The following ATP9A variants were observed in gnomAD, a reference collection of about 807,000 sequenced individuals.
ATP9A encodes ATPase phospholipid transporting 9A.
A neutral mutation model predicts 144.1 loss-of-function variants in ATP9A; 52 were observed. The observed-to-expected ratio is 0.36, with a 90% CI of 0.29 to 0.45. The LOEUF (loss-of-function observed/expected upper bound fraction) is 0.45. ATP9A is among the 20% of genes least tolerant of loss of function. The pLI is 1.00. For synonymous variants in ATP9A, 582 were observed against 557.4 expected (o/e 1.04, Z -0.62); for missense variants, 947 against 1,392.7 (o/e 0.68, Z 5.09).
intron 1 of ATP9A, among the ~76,000 whole-genome samples, chr20:51,746,869 G>A (rs1388034163): frequency 6.6e-6 from 1 of 152,090 alleles, no homozygotes; most frequent in Non-Finnish European, 1.5e-5. Flanking sequence ...AATCAGGTGT[G>A]GTGGCGCACG....
chr20:51,601,542 T>C (rs1219934635), intron 27 of ATP9A, among the ~76,000 whole-genome samples, 195 bp from the exon 28 acceptor site: 2 of 152,202 alleles, frequency 1.3e-5, no homozygotes, highest in Non-Finnish European at 2.9e-5. Flanking sequence ...GCGCCGCAGC[T>C]TGATTTTCCT....
In ATP9A at chr20:51,656,938, C is replaced by T; in HGVS notation, c.1506G>A (p.Glu502=). The change falls in exon 14 of 28, where the codon GAG becomes GAA. Residue 502 remains glutamate (E), a splice_region_variant and synonymous_variant. Transcript: ENST00000338821. The stretch of plus-strand genomic sequence containing the variant: ...CCTTGCTGCACCTGCCCAGGTTTAC[C>T]TCATCGGGGCTGGATGCCTGGTATA... ...CRVYQASSPD[E]VALVQWTESV... 1 of 1,613,260 alleles carries T rather than the reference C, an allele frequency of 6.2e-7. No individual in the cohort carries two copies. Among genetic ancestry groups the T allele is most frequent in the Non-Finnish European group, 8.5e-7 (1 of 1,179,738 alleles).
At position 51,617,444 on chromosome 20, in the gene ATP9A, C is replaced by A. The variant is rs185201758; in HGVS notation, c.2415+46G>T. Reference sequence around the variant, plus strand: ...GCTGTGTCTTTGAGGGAAAAAGAACCAAGAAACTACAGCAAGTGGAGCCGA... The same window carrying A: ...GCTGTGTCTTTGAGGGAAAAAGAACAAAGAAACTACAGCAAGTGGAGCCGA... On this transcript the variant is annotated intron_variant, in intron 22 of 27. Coordinates refer to ENST00000338821, the MANE Select transcript of ATP9A (RefSeq NM_006045.3). The A allele has an allele frequency of 3.3e-5, 52 of 1,573,058 alleles. No individual in the cohort carries two copies. The Admixed American group carries it at 6.5e-4, about 20-fold the overall frequency.
intron 13 of ATP9A, among the ~76,000 whole-genome samples, chr20:51,662,157 A>G (rs562424999): frequency 6.6e-6 from 1 of 152,366 alleles, no homozygotes; most frequent in East Asian, 1.9e-4. Flanking sequence ...AGGGTGAGTT[A>G]GCGCAACTGA....
At chr20:51,608,060 A>G (rs6021311) in intron 25 of ATP9A, among the ~76,000 whole-genome samples, 69,801 of 148,358 alleles carry the variant, frequency 0.47, 16,938 homozygotes, top group African/African-American at 0.57. Context: ...AAAAAAAAAA[A>G]GAATTAACAT....
chr20:51,664,683 G>A (rs940743067), intron 13 of ATP9A, among the ~76,000 whole-genome samples: 4 of 151,934 alleles, frequency 2.6e-5, no homozygotes, highest in Non-Finnish European at 4.4e-5. Flanking sequence ...TATACTTGGG[G>A]TAAGGAACAC....
Position 51,757,874 on chromosome 20 carries a change from C to G in ATP9A, c.68+10428G>C, listed in dbSNP as rs529527252. On this transcript the variant is annotated intron_variant, in intron 1 of 27. Transcript: ENST00000338821. ...TGAGATCGCACCCACTGTACTCCAG[C>G]CTGAGCAATAGAATGAGAGTACGTC... Among the ~76,000 whole-genome samples, 310 of 151,954 alleles carry G rather than the reference C, an allele frequency of 2.0e-3. 1 individual carries two copies. Among genetic ancestry groups the G allele is most frequent in the Admixed American group, 3.8e-3 (58 of 15,230 alleles).
At chr20:51,726,984 G>C (rs1301474491) in intron 2 of ATP9A, among the ~76,000 whole-genome samples, 1 of 142,976 alleles carries the variant, frequency 7.0e-6, no homozygotes, top group Non-Finnish European at 1.5e-5. Context: ...ATAAGGTTGA[G>C]TGCAAAAAGA....
chr20:51,677,753 A>G (rs1377686909), intron 9 of ATP9A, among the ~76,000 whole-genome samples: 1 of 152,190 alleles, frequency 6.6e-6, no homozygotes, highest in African/African-American at 2.4e-5. Context: ...CTCCAGACAC[A>G]GTAAGAAAAG....
intron 14 of ATP9A, among the ~76,000 whole-genome samples, chr20:51,654,982 C>G (rs1156821930): frequency 6.6e-6 from 1 of 152,112 alleles, no homozygotes; most frequent in African/African-American, 2.4e-5. Flanking sequence ...TTAGTCTACT[C>G]AAAAGTATCT....
At chr20:51,672,606 C>G (rs1032875237) in intron 11 of ATP9A, among the ~76,000 whole-genome samples, 1 of 151,802 alleles carries the variant, frequency 6.6e-6, no homozygotes. Context: ...AATCTCTGTC[C>G]CCAGAAAAAG....
intron 13 of ATP9A, among the ~76,000 whole-genome samples, chr20:51,664,424 C>T (rs1348447333): frequency 6.6e-6 from 1 of 151,736 alleles, no homozygotes; most frequent in African/African-American, 2.4e-5. Flanking sequence ...CCTCTCTCTA[C>T]AAAAAATACA....
chr20:51,652,389 T>C (rs1372503310), intron 14 of ATP9A, among the ~76,000 whole-genome samples: 2 of 152,220 alleles, frequency 1.3e-5, no homozygotes, highest in Non-Finnish European at 2.9e-5. Context: ...CGCCAACTGG[T>C]AGAAATTACT....
intron 14 of ATP9A, among the ~76,000 whole-genome samples, chr20:51,649,645 T>C (rs1239845054): frequency 6.6e-6 from 1 of 152,198 alleles, no homozygotes; most frequent in Non-Finnish European, 1.5e-5. Flanking sequence ...CCGGGTGCAG[T>C]AGTTCACGCC....
chr20:51,638,124 T>TATATATATATAC (rs2077303036), intron 15 of ATP9A, among the ~76,000 whole-genome samples: 1 of 116,230 alleles, frequency 8.6e-6, no homozygotes, highest in Non-Finnish European at 1.8e-5. Flanking sequence ...TATATATATA[T>TATATATATATAC]CTCATAGTTC....
At chr20:51,680,158 A>G (rs898843406) in intron 9 of ATP9A, among the ~76,000 whole-genome samples, 2 of 145,212 alleles carry the variant, frequency 1.4e-5, no homozygotes, top group Non-Finnish European at 3.0e-5. Context: ...TGAACCCAGG[A>G]GGTGGAGGTT....
chr20:51,767,760 G>A (rs1487962875), intron 1 of ATP9A, among the ~76,000 whole-genome samples: 1 of 152,154 alleles, frequency 6.6e-6, no homozygotes, highest in Non-Finnish European at 1.5e-5. Flanking sequence ...GGAGGGGGAA[G>A]GGGCCACCGG....
At chr20:51,724,959 G>T (rs373024201) in intron 3 of ATP9A, among the ~76,000 whole-genome samples, 1 of 152,196 alleles carries the variant, frequency 6.6e-6, no homozygotes, top group Non-Finnish European at 1.5e-5. Flanking sequence ...GTTTGAGATT[G>T]CAGATGTTTC....
At chr20:51,700,916 A>T (rs1411819024) in intron 4 of ATP9A, among the ~76,000 whole-genome samples, 1 of 152,198 alleles carries the variant, frequency 6.6e-6, no homozygotes. Flanking sequence ...TCATGGCCTG[A>T]ACCACTCTTC....
Sources: allele counts gnomAD v4.1 joint callset (sites outside exome capture counted in the v4.1 genomes callset), GRCh38; gene constraint gnomAD v4.1.1; transcripts MANE v1.5; gene names NCBI Gene and HGNC (gene_info 2026-07-23, HGNC 2026-07-21).